Variants in ANK1 observed in about 807,000 individuals in gnomAD.
The protein encoded by ANK1 is ankyrin-1.
In ANK1, 51 loss-of-function variants were observed where a neutral mutation model predicts 210.4. The observed-to-expected ratio is 0.24, with a 90% CI of 0.19 to 0.31. The LOEUF (loss-of-function observed/expected upper bound fraction) is 0.31, where lower values mean the gene tolerates loss of function less well. Ranked by LOEUF, ANK1 falls within the 10% of genes least tolerant of loss-of-function variation. The pLI, the probability that ANK1 is intolerant of heterozygous loss-of-function variation, is 1.00. For missense variants in ANK1, 2,051 were observed against 2,504.4 expected (o/e 0.82, Z 3.86); for synonymous variants, 967 against 1,025.9 (o/e 0.94, Z 1.10).
intron 36 of ANK1, among the ~76,000 whole-genome samples, chr8:41,685,025 C>T (rs72638980): frequency 0.55 from 83,937 of 152,050 alleles, 23,449 homozygotes; most frequent in Middle Eastern, 0.61. Flanking sequence ...ACCTCCCAGG[C>T]TCAAGCAATT....
intron 16 of ANK1, among the ~76,000 whole-genome samples, chr8:41,712,883 GT>G (rs1341689992): frequency 6.6e-6 from 1 of 152,176 alleles, no homozygotes; most frequent in African/African-American, 2.4e-5. Context: ...GGGAGTCCAG[GT>G]TTTTATTTTT....
At chr8:41,724,323 A>G in intron 7 of ANK1, 133 bp downstream of exon 7, 1 of 780,316 alleles carries the variant, frequency 1.3e-6, no homozygotes, top group African/African-American at 1.7e-5. Flanking sequence ...GCCAGCAAGG[A>G]GCCCGACCAG....
intron 1 of ANK1, among the ~76,000 whole-genome samples, chr8:41,767,757 C>T (rs936335834): frequency 5.3e-5 from 8 of 152,234 alleles, no homozygotes; most frequent in Admixed American, 5.2e-4. Flanking sequence ...GAGGCACACA[C>T]GTCCAGTGGA....
chr8:41,801,071 T>C (rs917688368), upstream of ANK1, among the ~76,000 whole-genome samples: 1 of 152,228 alleles, frequency 6.6e-6, no homozygotes, highest in Admixed American at 6.5e-5. Context: ...TTATTCCTTT[T>C]CACTGCTGTG....
At chr8:41,868,099 T>G (rs1814817919) in intron 1 of ANK1, among the ~76,000 whole-genome samples, 1 of 152,228 alleles carries the variant, frequency 6.6e-6, no homozygotes, top group African/African-American at 2.4e-5. Flanking sequence ...CTTCAGGTGA[T>G]CCACCAGCCT....
intron 16 of ANK1, among the ~76,000 whole-genome samples, chr8:41,713,911 G>T (rs760065800): frequency 2.6e-5 from 4 of 152,178 alleles, no homozygotes; most frequent in Non-Finnish European, 5.9e-5. Context: ...TATAAAACAA[G>T]TTCCGCCTCT....
intron 3 of ANK1, among the ~76,000 whole-genome samples, chr8:41,730,311 C>T (rs1012260350): frequency 6.6e-6 from 1 of 152,172 alleles, no homozygotes; most frequent in African/African-American, 2.4e-5. Context: ...GTAATTCAAG[C>T]ATAAAGCCTG....
At chr8:41,707,257 T>C (rs572073394) in intron 17 of ANK1, among the ~76,000 whole-genome samples, 1 of 152,350 alleles carries the variant, frequency 6.6e-6, no homozygotes, top group South Asian at 2.1e-4. Context: ...AGAGATGTTG[T>C]TTGATATGTG....
rs1361953486 is a variant in ANK1 at position 41,877,510 on chromosome 8, C to T, written c.126+18845G>A. Among the ~76,000 whole-genome samples the T allele has an allele frequency of 2.6e-5, 4 of 152,224 alleles. No homozygotes were observed. In the East Asian group the frequency reaches 7.7e-4, roughly 29 times the overall value. The stretch of plus-strand genomic sequence containing the variant: ...CCGATCCATTATTTTGATGGATATA[C>T]ACTTATGGAGAACCAACTGTGTGCC... On this transcript the variant is annotated intron_variant, in intron 1 of 42. Transcript: ENST00000265709.
At chr8:41,747,721 T>C (rs747798714) in intron 2 of ANK1, among the ~76,000 whole-genome samples, 4 of 152,204 alleles carry the variant, frequency 2.6e-5, no homozygotes, top group Admixed American at 1.3e-4. Flanking sequence ...AATGAAACCA[T>C]AATGTGGAGT....
chr8:41,687,480 C>T (rs1818010119), intron 35 of ANK1, among the ~76,000 whole-genome samples: 1 of 152,230 alleles, frequency 6.6e-6, no homozygotes, highest in Non-Finnish European at 1.5e-5. Flanking sequence ...CTTGCTCTCC[C>T]TGTCCATGAC....
At chr8:41,810,157 T>C (rs908525098) in intron 1 of ANK1, among the ~76,000 whole-genome samples, 8 of 152,240 alleles carry the variant, frequency 5.3e-5, no homozygotes, top group Admixed American at 3.9e-4. Context: ...TTCTCCAACC[T>C]GAAGGGCATT....
chr8:41,658,450 C>A (rs1193865126), intron 42 of ANK1, among the ~76,000 whole-genome samples: 5 of 152,230 alleles, frequency 3.3e-5, no homozygotes, highest in Non-Finnish European at 7.3e-5. Context: ...TTCATCCTCC[C>A]TTGAGGAGAC....
intron 1 of ANK1, among the ~76,000 whole-genome samples, chr8:41,780,683 C>T (rs1341627263): frequency 3.9e-5 from 6 of 152,228 alleles, no homozygotes; most frequent in Admixed American, 2.6e-4. Context: ...CATGTGTACA[C>T]ATGTGTGCAT....
At chr8:41,778,583 A>G (rs565844187) in intron 1 of ANK1, among the ~76,000 whole-genome samples, 1 of 152,302 alleles carries the variant, frequency 6.6e-6, no homozygotes, top group African/African-American at 2.4e-5. Context: ...GTGTGGATCC[A>G]GAACCAAACG....
At chr8:41,821,523 C>A (rs1017606490) in intron 1 of ANK1, among the ~76,000 whole-genome samples, 7 of 152,076 alleles carry the variant, frequency 4.6e-5, no homozygotes, top group Admixed American at 1.3e-4. Flanking sequence ...CCAAGTGGAC[C>A]CTGAACACAT....
At chr8:41,721,858 A>C (rs543314116) in intron 9 of ANK1, among the ~76,000 whole-genome samples, 1 of 152,128 alleles carries the variant, frequency 6.6e-6, no homozygotes, top group Non-Finnish European at 1.5e-5. Context: ...CCCAATTGAA[A>C]AGTCACATAT....
At chr8:41,860,237 G>A (rs1813022505) in intron 1 of ANK1, among the ~76,000 whole-genome samples, 1 of 152,230 alleles carries the variant, frequency 6.6e-6, no homozygotes, top group African/African-American at 2.4e-5. Flanking sequence ...AGAATAGCTC[G>A]AGATTTATCC....
chr8:41,724,927 A>G (rs1364560234), intron 6 of ANK1, among the ~76,000 whole-genome samples: 1 of 152,146 alleles, frequency 6.6e-6, no homozygotes, highest in Non-Finnish European at 1.5e-5. Context: ...TGATGTGATC[A>G]CAGCTCACTT....
Sources: gnomAD v4.1 joint callset for allele counts (sites outside exome capture counted in the v4.1 genomes callset) on GRCh38, gnomAD v4.1.1 for gene constraint, MANE v1.5 for transcripts, NCBI Gene and HGNC (gene_info 2026-07-23, HGNC 2026-07-21) for gene names.